SFI1: variants seen among roughly 807,000 people sequenced by gnomAD.
The protein encoded by SFI1 is protein SFI1 homolog.
SFI1 carries 195 observed loss-of-function variants against 207.5 expected under a neutral mutation model. The observed-to-expected ratio is 0.94, with a 90% confidence interval of 0.84 to 1.06. SFI1 has a LOEUF of 1.06. Among genes scored for constraint, SFI1 ranks in the 50% least tolerant of loss-of-function variants. SFI1 has a pLI of 0.00. For missense variants in SFI1, 1,634 were observed against 1,588.0 expected (o/e 1.03, Z -0.49); for synonymous variants, 630 against 598.9 (o/e 1.05, Z -0.76).
Position 31,598,085 on chromosome 22 carries a change from C to T in SFI1, c.1545-4127C>T, listed in dbSNP as rs575849753. 2.6e-5 allele frequency among the ~76,000 whole-genome samples: 4 copies of T among 151,262 alleles called. No homozygotes were observed. The East Asian group carries it at 7.8e-4, about 30-fold the overall frequency. ...CTCCACCTTCTGGGTTCATGCCATT[C>T]TCCTGCCTCAGCCTCCTGAGTAGCT... On this transcript the variant is annotated intron_variant, in intron 15 of 32. Coordinates refer to ENST00000400288, the MANE Select transcript of SFI1 (RefSeq NM_001007467.3).
At chr22:31,599,466 A>G (rs1205781390) in intron 15 of SFI1, among the ~76,000 whole-genome samples, 1 of 152,094 alleles carries the variant, frequency 6.6e-6, no homozygotes, top group Admixed American at 6.5e-5. Flanking sequence ...AGCTGGGACT[A>G]TAGGCACACG....
chr22:31,602,320 G>A (rs1270819441), intron 16 of SFI1, 27 bp downstream of exon 16: 15 of 1,601,234 alleles, frequency 9.4e-6, no homozygotes, highest in East Asian at 2.2e-5. Context: ...GAGGAGATGT[G>A]TGGAGGGGCA....
chr22:31,575,092 GTGTGTGTGTGTGTGT>G, intron 9 of SFI1, 124 bp from the exon 10 acceptor site: 2 of 205,468 alleles, frequency 9.7e-6, no homozygotes, highest in Non-Finnish European at 7.4e-6. Flanking sequence ...GTGCGTGTGT[GTGTGTGTGTGTGTGT>G]GTGTGTGTGT....
intron 15 of SFI1, among the ~76,000 whole-genome samples, chr22:31,593,083 G>A (rs1409400202): frequency 7.1e-6 from 1 of 141,450 alleles, no homozygotes; most frequent in African/African-American, 2.7e-5. Flanking sequence ...GGGCGGGGGG[G>A]CTGACCCCCC....
chr22:31,543,273 T>A (rs1483497131), intron 4 of SFI1, among the ~76,000 whole-genome samples: 1 of 152,146 alleles, frequency 6.6e-6, no homozygotes, highest in Admixed American at 6.5e-5. Flanking sequence ...TTTAAAAAGA[T>A]ACCATATTAT....
chr22:31,598,359 G>T (rs1042901910), intron 15 of SFI1, among the ~76,000 whole-genome samples: 5 of 152,030 alleles, frequency 3.3e-5, no homozygotes, highest in Non-Finnish European at 5.9e-5. Flanking sequence ...ACCCCAGAAA[G>T]TTCCTTCATG....
intron 24 of SFI1, chr22:31,612,391 A>AT (rs1390806845): frequency 8.4e-6 from 1 of 119,550 alleles, no homozygotes; most frequent in Non-Finnish European, 1.7e-5. Context: ...AAAAAAAAAA[A>AT]AAAAAAAATA....
At chr22:31,514,507 C>CA (rs776120363) in intron 2 of SFI1, among the ~76,000 whole-genome samples, 3,531 of 48,090 alleles carry the variant, frequency 0.073, 271 homozygotes, top group Middle Eastern at 0.13. Flanking sequence ...GACTCTGTCT[C>CA]AAAAAAAAAA....
At chr22:31,528,637 A>G (rs2058166951) in intron 2 of SFI1, 53 bp from the exon 3 acceptor site, 14 of 1,508,280 alleles carry the variant, frequency 9.3e-6, no homozygotes, top group Non-Finnish European at 1.3e-5. Flanking sequence ...TATTTGCATC[A>G]CATGCAGAGA....
chr22:31,567,790 G>A (rs1423777219), intron 8 of SFI1, among the ~76,000 whole-genome samples: 1 of 152,116 alleles, frequency 6.6e-6, no homozygotes, highest in Admixed American at 6.6e-5. Context: ...ACAATTGCCA[G>A]ATTTTCAAAA....
chr22:31,502,087 T>C (rs2053878510), intron 1 of SFI1, among the ~76,000 whole-genome samples: 1 of 152,196 alleles, frequency 6.6e-6, no homozygotes, highest in African/African-American at 2.4e-5. Flanking sequence ...TAAATAATTA[T>C]CTTACTTGTT....
chr22:31,598,446 T>G (rs1266036704), intron 15 of SFI1, among the ~76,000 whole-genome samples: 1 of 151,056 alleles, frequency 6.6e-6, no homozygotes, highest in African/African-American at 2.4e-5. Context: ...TTTTGCATGG[T>G]TTTTTTCTTG....
chr22:31,543,359 G>A (rs1421687653), intron 4 of SFI1, among the ~76,000 whole-genome samples: 2 of 152,084 alleles, frequency 1.3e-5, no homozygotes, highest in Non-Finnish European at 2.9e-5. Flanking sequence ...CCTTAGCTCT[G>A]CTTCATTCAT....
At chr22:31,517,448 G>T (rs777137619) in intron 2 of SFI1, among the ~76,000 whole-genome samples, 2 of 151,612 alleles carry the variant, frequency 1.3e-5, no homozygotes, top group African/African-American at 2.4e-5. Context: ...GGCTTTCATC[G>T]CACTGCCCAA....
At chr22:31,603,966 GT>G (rs1255304016) in intron 18 of SFI1, 147 bp downstream of exon 18, 9 of 825,264 alleles carry the variant, frequency 1.1e-5, no homozygotes, top group Non-Finnish European at 1.5e-5. Context: ...TGTTAACTCA[GT>G]TTTATGAGCT....
chr22:31,498,852 CT>C lies in SFI1; in HGVS notation c.-31+2222del, dbSNP rs375338158. Among the ~76,000 whole-genome samples, 921 of 113,486 alleles carry C rather than the reference CT, an allele frequency of 8.1e-3. 2 individuals carry two copies. Among genetic ancestry groups the C allele is most frequent in the Non-Finnish European group, 0.013 (713 of 54,022 alleles). 74.5% of individuals were successfully genotyped at this position (113,486 alleles called of 152,430 possible). A position where few individuals can be genotyped will look rare whatever the true frequency, so the allele number is the denominator to read the frequency against. On this transcript the variant is annotated intron_variant, in intron 1 of 32. Coordinates refer to ENST00000400288, the MANE Select transcript of SFI1 (RefSeq NM_001007467.3). ...AACTTGGATGGATGAGGAGTGGCTT[CT>C]TTTTTTCTTTTTTTTTTTTTTTGAG...
At chr22:31,604,832 G>C in intron 19 of SFI1, 37 bp from the exon 20 acceptor site, 5 of 1,587,068 alleles carry the variant, frequency 3.2e-6, no homozygotes, top group Non-Finnish European at 4.3e-6. Context: ...GGAAGTGTGG[G>C]CCCAAGAGCA....
chr22:31,600,492 G>A (rs2067924442), intron 15 of SFI1, among the ~76,000 whole-genome samples: 1 of 152,072 alleles, frequency 6.6e-6, no homozygotes, highest in Non-Finnish European at 1.5e-5. Flanking sequence ...TCCCCTCTTG[G>A]CCCTGCAGCA....
rs1221412867 is a variant in SFI1, at chr22:31,593,159, C to T, written c.1544+3582C>T. Reference sequence around the variant, plus strand: ...GACCCCCCCCCACCTCCTTCCCGGACGGGGTGGCTGCCGGGCGGAGACGCT... The same window carrying T: ...GACCCCCCCCCACCTCCTTCCCGGATGGGGTGGCTGCCGGGCGGAGACGCT... On this transcript the variant is annotated intron_variant, in intron 15 of 32. Coordinates refer to ENST00000400288, the MANE Select transcript of SFI1 (RefSeq NM_001007467.3). Among the ~76,000 whole-genome samples, 292 of 148,736 alleles carry T rather than the reference C, an allele frequency of 2.0e-3. 3 individuals carry two copies. The highest frequency in any genetic ancestry group is 2.6e-3 in the Non-Finnish European group (173 of 67,012).
Sources: gnomAD v4.1 joint callset for allele counts (sites outside exome capture counted in the v4.1 genomes callset) on GRCh38, gnomAD v4.1.1 for gene constraint, MANE v1.5 for transcripts, NCBI Gene and HGNC (gene_info 2026-07-23, HGNC 2026-07-21) for gene names.